Variants in CXXC5 observed in about 807,000 individuals in gnomAD.
The protein encoded by CXXC5 is CXXC-type zinc finger protein 5.
CXXC5 carries 2 observed loss-of-function variants against 17.6 expected under a neutral mutation model. The observed-to-expected ratio is 0.11, with a 90% CI of 0.05 to 0.36. The LOEUF is 0.36. Among genes scored for constraint, CXXC5 ranks in the 10% least tolerant of loss-of-function variants. The pLI is 1.00. For synonymous variants in CXXC5, 171 were observed against 193.0 expected, an observed-to-expected ratio of 0.89 and a Z score of 0.94; for missense variants, 343 against 458.3, an observed-to-expected ratio of 0.75 and a Z score of 2.30.
chr5:139,669,795 C>A (rs901805160), intron 1 of CXXC5, among the ~76,000 whole-genome samples: 3 of 152,190 alleles, frequency 2.0e-5, no homozygotes, highest in Admixed American at 1.3e-4. Flanking sequence ...ACACATGTAG[C>A]CTTACCTGAG....
At chr5:139,649,444 T>A (rs1308500109) in intron 1 of CXXC5, 1 of 152,186 alleles carries the variant, frequency 6.6e-6, no homozygotes, top group Non-Finnish European at 1.5e-5. Context: ...GGGGCGACGT[T>A]AACTGCTCTG....
chr5:139,659,897 GC>G (rs960893846), intron 1 of CXXC5, among the ~76,000 whole-genome samples: 2 of 152,222 alleles, frequency 1.3e-5, no homozygotes, highest in African/African-American at 4.8e-5. Flanking sequence ...TGTCTGCAAA[GC>G]CCCCCGGGAA....
In CXXC5 at chr5:139,663,728, T is replaced by C. The variant is rs1260998171; in HGVS notation, c.-161+14883T>C. 6.6e-6 allele frequency among the ~76,000 whole-genome samples: 1 copy of C among 152,204 alleles called. No homozygotes were observed. The highest frequency in any genetic ancestry group is 1.5e-5 in the Non-Finnish European group (1 of 68,030). On this transcript the variant is annotated intron_variant, in intron 1 of 2. Transcript: ENST00000302517. The surrounding 1 kb of genome is among the most constrained non-coding windows in gnomAD (Gnocchi z 4.2). Reference sequence around the variant, plus strand: ...CTGACTTGTCCGTGACGTTCACACTTATGCTGGCAGATGTGGACAGTAAAA... The same window carrying C: ...CTGACTTGTCCGTGACGTTCACACTCATGCTGGCAGATGTGGACAGTAAAA...
intron 2 of CXXC5, among the ~76,000 whole-genome samples, chr5:139,682,177 C>T (rs1268795300): frequency 6.6e-6 from 1 of 152,216 alleles, no homozygotes; most frequent in Non-Finnish European, 1.5e-5. Context: ...GCTGGAGTGC[C>T]AGGCCTGGGT....
chr5:139,673,456 G>A (rs1188761380), intron 1 of CXXC5, among the ~76,000 whole-genome samples: 1 of 152,182 alleles, frequency 6.6e-6, no homozygotes, highest in Non-Finnish European at 1.5e-5. Flanking sequence ...AGAGCCCCAG[G>A]TCAGAGCTTA....
chr5:139,665,456 T>C (rs1384700995), intron 1 of CXXC5: 1 of 152,252 alleles, frequency 6.6e-6, no homozygotes, highest in Non-Finnish European at 1.5e-5. Flanking sequence ...CTTTCCCAGA[T>C]AGCATCCATA....
intron 1 of CXXC5, among the ~76,000 whole-genome samples, chr5:139,664,949 G>A (rs1403476318): frequency 6.6e-6 from 1 of 152,248 alleles, no homozygotes; most frequent in African/African-American, 2.4e-5. Context: ...GATGTGGACA[G>A]AGCACATGGC....
intron 1 of CXXC5, among the ~76,000 whole-genome samples, chr5:139,651,374 G>A (rs1389339739): frequency 3.3e-5 from 5 of 151,866 alleles, no homozygotes; most frequent in African/African-American, 1.2e-4. Flanking sequence ...CCACCCAGCT[G>A]GGCTAGGCTG....
At chr5:139,679,415 G>T (rs1757053918) in intron 1 of CXXC5, among the ~76,000 whole-genome samples, 1 of 152,220 alleles carries the variant, frequency 6.6e-6, no homozygotes, top group African/African-American at 2.4e-5. Context: ...GCCCTGTGCT[G>T]CTCGCCCTGT....
chr5:139,661,737 G>A lies in CXXC5; in HGVS notation c.-161+12892G>A, dbSNP rs993146637. ...TGGTCAGGGCTCTGTTCCCCTAGACGCCCCGTGTTTAGGCTTACACGGAAG... is the reference window on the plus strand; with the variant it reads ...TGGTCAGGGCTCTGTTCCCCTAGACACCCCGTGTTTAGGCTTACACGGAAG... On this transcript the variant is annotated intron_variant, in intron 1 of 2. Coordinates refer to ENST00000302517, the MANE Select transcript of CXXC5 (RefSeq NM_016463.9). The surrounding 1 kb of genome is among the most constrained non-coding windows in gnomAD (Gnocchi z 4.7). Among the ~76,000 whole-genome samples the A allele has an allele frequency of 3.9e-5, 6 of 152,252 alleles. No individual in the cohort carries two copies. The highest frequency in any genetic ancestry group is 8.8e-5 in the Non-Finnish European group (6 of 68,046).
intron 1 of CXXC5, 52 bp from the exon 2 acceptor site, chr5:139,680,312 T>G: frequency 3.2e-6 from 2 of 631,632 alleles, no homozygotes; most frequent in African/African-American, 1.8e-5. Flanking sequence ...GGTGGCGATG[T>G]TGAAGGGGGA....
intron 1 of CXXC5, chr5:139,675,393 A>C (rs1253814845): frequency 2.6e-5 from 4 of 151,916 alleles, no homozygotes; most frequent in African/African-American, 9.7e-5. Flanking sequence ...CACTGCCACC[A>C]CCTCCAGTGA....
At chr5:139,673,573 G>A (rs546029280) in intron 1 of CXXC5, among the ~76,000 whole-genome samples, 3 of 152,324 alleles carry the variant, frequency 2.0e-5, no homozygotes, top group African/African-American at 7.2e-5. Context: ...TGGGTGCGGT[G>A]GCTCACGCCT....
Position 139,658,146 on chromosome 5 carries a change from A to G in CXXC5, c.-161+9301A>G, listed in dbSNP as rs1403476211. ...CCACCTCCCCCAGAACTAGATGGGA[A>G]ATTAGTTAACTGGGCTCATAGCAGT... On this transcript the variant is annotated intron_variant, in intron 1 of 2. Transcript: ENST00000302517. The surrounding 1 kb of genome is among the most constrained non-coding windows in gnomAD (Gnocchi z 4.1). Among the ~76,000 whole-genome samples the G allele has an allele frequency of 6.6e-6, 1 of 151,734 alleles. No homozygotes were observed. Among genetic ancestry groups the G allele is most frequent in the Non-Finnish European group, 1.5e-5 (1 of 67,950 alleles).
rs939246458 is a variant in CXXC5 at position 139,661,239 on chromosome 5, C to T, written c.-161+12394C>T. Reference sequence around the variant, plus strand: ...AGCAGAGCAGGGTGAGCTGGGCGGGCGGGCGGCAGGATTAGCTCAGGAGAC... The same window carrying T: ...AGCAGAGCAGGGTGAGCTGGGCGGGTGGGCGGCAGGATTAGCTCAGGAGAC... On this transcript the variant is annotated intron_variant, in intron 1 of 2. Coordinates refer to ENST00000302517, the MANE Select transcript of CXXC5 (RefSeq NM_016463.9). This position sits in a 1 kb window ranked among gnomAD's most constrained non-coding sequence, Gnocchi z 4.7. 2.6e-5 allele frequency among the ~76,000 whole-genome samples: 4 copies of T among 152,294 alleles called. No homozygotes were observed. The highest frequency in any genetic ancestry group is 9.6e-5 in the African/African-American group (4 of 41,560).
Position 139,657,669 on chromosome 5 carries a change from A to G in CXXC5, c.-161+8824A>G, listed in dbSNP as rs148977691. Among the ~76,000 whole-genome samples, 3 of 152,268 alleles carry G rather than the reference A, an allele frequency of 2.0e-5. No individual in the cohort carries two copies. The East Asian group carries it at 5.8e-4, about 29-fold the overall frequency. ...AAGCCAAGCCAGTGGGGCGGGTCCT[A>G]TCTTCTTTGAGGACCACAATTTTTC... On this transcript the variant is annotated intron_variant, in intron 1 of 2. Transcript: ENST00000302517.
At chr5:139,656,263 C>T (rs926355995) in intron 1 of CXXC5, among the ~76,000 whole-genome samples, 2 of 152,238 alleles carry the variant, frequency 1.3e-5, no homozygotes, top group African/African-American at 4.8e-5. Flanking sequence ...TCTTTCCAGG[C>T]CTTTCTCTGT....
At chr5:139,654,558 G>A (rs73790670) in intron 1 of CXXC5, among the ~76,000 whole-genome samples, 7,451 of 152,246 alleles carry the variant, frequency 0.049, 218 homozygotes, top group South Asian at 0.13. Flanking sequence ...CATGTCCCCC[G>A]TGAATCCTAA....
At position 139,670,301 on chromosome 5, in the gene CXXC5, G is replaced by A. The variant is rs954920909; in HGVS notation, c.-160-10063G>A. On this transcript the variant is annotated intron_variant, in intron 1 of 2. Coordinates refer to ENST00000302517, the MANE Select transcript of CXXC5 (RefSeq NM_016463.9). The surrounding 1 kb of genome is among the most constrained non-coding windows in gnomAD (Gnocchi z 4.2). ...CAGGCAGGCGGGTAGACACTGGCCAGAGCTGTTGGACCTTGAACAGCAGAC... is the reference window on the plus strand; with the variant it reads ...CAGGCAGGCGGGTAGACACTGGCCAAAGCTGTTGGACCTTGAACAGCAGAC... 7.9e-5 allele frequency among the ~76,000 whole-genome samples: 12 copies of A among 152,192 alleles called. No individual in the cohort carries two copies. The highest frequency in any genetic ancestry group is 5.9e-4 in the Admixed American group (9 of 15,284).
Sources: allele counts gnomAD v4.1 joint callset (sites outside exome capture counted in the v4.1 genomes callset), GRCh38; gene constraint gnomAD v4.1.1; non-coding constraint Gnocchi (gnomAD v3.1); transcripts MANE v1.5; gene names NCBI Gene and HGNC (gene_info 2026-07-23, HGNC 2026-07-21).